SV2C: variants seen among roughly 807,000 people sequenced by gnomAD.
SV2C encodes solute carrier family 22 member B3.
Under a neutral mutation model 79.7 loss-of-function variants are expected in SV2C, and 49 were observed. The observed-to-expected ratio is 0.61, with a 90% CI of 0.49 to 0.78. The LOEUF (loss-of-function observed/expected upper bound fraction) is 0.78, where lower values mean the gene tolerates loss of function less well. Among genes scored for constraint, SV2C ranks in the 30% least tolerant of loss-of-function variants. SV2C has a pLI of 0.00. For missense variants in SV2C, 833 were observed against 912.9 expected, an observed-to-expected ratio of 0.91 and a Z score of 1.13; for synonymous variants, 334 against 333.2, an observed-to-expected ratio of 1.00 and a Z score of -0.03.
At chr5:75,919,292 C>T in the SV2C span, among the ~76,000 whole-genome samples, 3 of 152,138 alleles carry the variant, frequency 2.0e-5, no homozygotes, top group Non-Finnish European at 4.4e-5. Flanking sequence ...CCGGGCCCTC[C>T]CCTATCGGTG....
chr5:76,229,452 C>T (rs1394005096), intron 4 of SV2C, among the ~76,000 whole-genome samples: 1 of 152,216 alleles, frequency 6.6e-6, no homozygotes, highest in Non-Finnish European at 1.5e-5. Context: ...CTCTTCTTTC[C>T]ATTTGGACTT....
intron 12 of SV2C, among the ~76,000 whole-genome samples, chr5:76,339,793 A>G (rs2112584258): frequency 6.6e-6 from 1 of 152,102 alleles, no homozygotes; most frequent in Admixed American, 6.5e-5. Context: ...GACACAGGCC[A>G]CATTCAGTTT....
At chr5:76,242,242 C>T in intron 4 of SV2C, 1 of 1,053,300 alleles carries the variant, frequency 9.5e-7, no homozygotes, top group South Asian at 1.3e-5. Flanking sequence ...GTGGTTCGTC[C>T]TTCACCTTGG....
chr5:76,001,209 G>A, the SV2C span, among the ~76,000 whole-genome samples: 330 of 152,316 alleles, frequency 2.2e-3, 1 homozygote, highest in African/African-American at 7.7e-3. Context: ...AGTGCTTAGA[G>A]AGAGGAAGAG....
chr5:76,309,599 CAAAAAAAAAAAA>C (rs769865757), intron 12 of SV2C, among the ~76,000 whole-genome samples: 55 of 18,710 alleles, frequency 2.9e-3, no homozygotes, highest in Non-Finnish European at 4.4e-3. Context: ...AACTCCATCT[CAAAAAAAAAAAA>C]AAAAAAAAAA....
chr5:76,156,383 G>T lies in SV2C; in HGVS notation c.580+24053G>T, dbSNP rs552398274. Among the ~76,000 whole-genome samples, 9 of 152,166 alleles carry T rather than the reference G, an allele frequency of 5.9e-5. No homozygotes were observed. In the East Asian group the frequency reaches 1.7e-3, roughly 29 times the overall value. Reference sequence around the variant, plus strand: ...TAAAATAATCCAACTAATCACTAAAGAAATAAACAAATCACAATAGCAATC... The same window carrying T: ...TAAAATAATCCAACTAATCACTAAATAAATAAACAAATCACAATAGCAATC... On this transcript the variant is annotated intron_variant, in intron 2 of 12. Coordinates refer to ENST00000502798, the MANE Select transcript of SV2C (RefSeq NM_014979.4).
At chr5:76,103,015 C>T (rs183858259) in intron 1 of SV2C, among the ~76,000 whole-genome samples, 3 of 152,238 alleles carry the variant, frequency 2.0e-5, no homozygotes, top group Admixed American at 2.0e-4. Flanking sequence ...TTTCTTACAG[C>T]ACCTGATATG....
chr5:75,860,208 C>T, the SV2C span, among the ~76,000 whole-genome samples: 137 of 152,212 alleles, frequency 9.0e-4, 2 homozygotes, highest in South Asian at 7.5e-3. Context: ...GATACAAAAT[C>T]AACGTACAAA....
At chr5:76,188,450 G>A (rs1215102864) in intron 2 of SV2C, among the ~76,000 whole-genome samples, 1 of 152,168 alleles carries the variant, frequency 6.6e-6, no homozygotes, top group Non-Finnish European at 1.5e-5. Context: ...GGAACTGGTT[G>A]GGGAAGGGTT....
At chr5:75,991,828 T>C in the SV2C span, among the ~76,000 whole-genome samples, 17 of 151,958 alleles carry the variant, frequency 1.1e-4, no homozygotes, top group African/African-American at 4.1e-4. Context: ...CAACACCTAC[T>C]GATTGGAAAT....
intron 1 of SV2C, among the ~76,000 whole-genome samples, chr5:76,093,803 C>A (rs917116498): frequency 2.6e-4 from 25 of 96,818 alleles, no homozygotes; most frequent in Admixed American, 2.1e-3. Flanking sequence ...GGGCTCTTAT[C>A]AAATTATTTT....
chr5:76,227,840 G>A lies in SV2C; in HGVS notation c.913+17953G>A, dbSNP rs1232846647. Among the ~76,000 whole-genome samples, 8 of 152,190 alleles carry A rather than the reference G, an allele frequency of 5.3e-5. No homozygotes were observed. The East Asian group carries it at 1.2e-3, about 22-fold the overall frequency. On this transcript the variant is annotated intron_variant, in intron 4 of 12. Transcript: ENST00000502798. ...TGCCATTTCCAGAATGGGTTACCAC[G>A]CTGGTGGTGGCCCTAGCTGATGGGC...
the SV2C span, among the ~76,000 whole-genome samples, chr5:75,862,818 A>G: frequency 6.6e-5 from 10 of 152,206 alleles, no homozygotes; most frequent in Admixed American, 4.6e-4. Flanking sequence ...ATCTCAGTAG[A>G]TACAGAAAGA....
chr5:75,951,962 T>G, the SV2C span, among the ~76,000 whole-genome samples: 7,818 of 152,050 alleles, frequency 0.051, 646 homozygotes, highest in African/African-American at 0.17. Flanking sequence ...GACTGATTGT[T>G]GTCTCTTCTG....
the SV2C span, among the ~76,000 whole-genome samples, chr5:76,004,469 G>C: frequency 6.6e-6 from 1 of 152,138 alleles, no homozygotes; most frequent in Non-Finnish European, 1.5e-5. Flanking sequence ...AAAGCATATA[G>C]ACTGGTCCTT....
chr5:75,910,539 G>A, the SV2C span: 3 of 645,608 alleles, frequency 4.6e-6, no homozygotes, highest in African/African-American at 3.6e-5. Context: ...TGTTCAAATT[G>A]TTCACCTTTG....
the SV2C span, among the ~76,000 whole-genome samples, chr5:76,063,240 T>C: frequency 6.6e-6 from 1 of 152,164 alleles, no homozygotes; most frequent in Non-Finnish European, 1.5e-5. Context: ...GTCCTATGTG[T>C]TTGTGAGATT....
At chr5:76,271,342 G>C (rs1389847189) in intron 4 of SV2C, among the ~76,000 whole-genome samples, 1 of 152,120 alleles carries the variant, frequency 6.6e-6, no homozygotes, top group Non-Finnish European at 1.5e-5. Context: ...TCCATTTTCA[G>C]TAACGTGATG....
intron 2 of SV2C, among the ~76,000 whole-genome samples, chr5:76,136,927 A>C (rs567316801): frequency 6.6e-6 from 1 of 152,292 alleles, no homozygotes; most frequent in Admixed American, 6.5e-5. Flanking sequence ...ATGCCAAGAT[A>C]GGGGTTTGGA....
Sources: gnomAD v4.1 joint callset for allele counts (sites outside exome capture counted in the v4.1 genomes callset) on GRCh38, gnomAD v4.1.1 for gene constraint, MANE v1.5 for transcripts, NCBI Gene and HGNC (gene_info 2026-07-23, HGNC 2026-07-21) for gene names.